Variants in CDH12 observed in about 807,000 individuals in gnomAD.
CDH12 encodes cadherin 12, also known as cadherin-12.
In CDH12, 41 loss-of-function variants were observed where a neutral mutation model predicts 74.1. The ratio of observed to expected loss-of-function variants is 0.55; its 90% CI spans 0.43 to 0.72. The LOEUF is 0.72. Among genes scored for constraint, CDH12 ranks in the 30% least tolerant of loss-of-function variants. The pLI is 0.00. For missense variants in CDH12, 945 were observed against 977.2 expected (o/e 0.97, Z 0.44); for synonymous variants, 399 against 355.0 (o/e 1.12, Z -1.39).
intron 1 of CDH12, among the ~76,000 whole-genome samples, chr5:22,651,475 T>G (rs1739733064): frequency 6.6e-6 from 1 of 152,008 alleles, no homozygotes; most frequent in Non-Finnish European, 1.5e-5. Flanking sequence ...GAAAGGATAA[T>G]GAATGCAGGA....
rs573241265 is a variant in CDH12 at position 22,812,946 on chromosome 5, G to A, written c.-523+40112C>T. Among the ~76,000 whole-genome samples the A allele has an allele frequency of 2.9e-4, 44 of 152,180 alleles. No homozygotes were observed. In the South Asian group the frequency reaches 8.7e-3, roughly 30 times the overall value. On this transcript the variant is annotated intron_variant, in intron 1 of 14. Coordinates refer to ENST00000382254, the MANE Select transcript of CDH12 (RefSeq NM_004061.5). ...CTGAGGAGGAGGTGAAGAAATGATCGCTGAGATCAAGGAGACTTGCAGAAG... is the reference window on the plus strand; with the variant it reads ...CTGAGGAGGAGGTGAAGAAATGATCACTGAGATCAAGGAGACTTGCAGAAG...
At chr5:22,325,324 T>C (rs1457661028) in intron 3 of CDH12, among the ~76,000 whole-genome samples, 2 of 152,132 alleles carry the variant, frequency 1.3e-5, no homozygotes, top group East Asian at 1.9e-4. Context: ...CCAGAAAATA[T>C]ATTAAAAAGC....
intron 5 of CDH12, among the ~76,000 whole-genome samples, chr5:21,988,498 A>G (rs1416796667): frequency 7.5e-6 from 1 of 134,038 alleles, no homozygotes; most frequent in Non-Finnish European, 1.5e-5. Flanking sequence ...TCTCAAAAAA[A>G]AAAAAAAAAA....
intron 1 of CDH12, among the ~76,000 whole-genome samples, chr5:22,547,432 C>T (rs1738382943): frequency 6.6e-6 from 1 of 152,112 alleles, no homozygotes; most frequent in African/African-American, 2.4e-5. Flanking sequence ...CCAATTTCTC[C>T]TCAATGAAAA....
chr5:22,233,574 A>G (rs1308462361), intron 3 of CDH12, among the ~76,000 whole-genome samples: 1 of 152,190 alleles, frequency 6.6e-6, no homozygotes, highest in East Asian at 1.9e-4. Context: ...ATATAAAAAT[A>G]AAACAATATT....
At chr5:22,156,898 T>C (rs1282376631) in intron 4 of CDH12, among the ~76,000 whole-genome samples, 1 of 152,202 alleles carries the variant, frequency 6.6e-6, no homozygotes, top group Non-Finnish European at 1.5e-5. Context: ...TTTTACCCAC[T>C]GTGACCCTAC....
intron 1 of CDH12, among the ~76,000 whole-genome samples, chr5:22,685,321 T>C: frequency 6.6e-6 from 1 of 152,148 alleles, no homozygotes; most frequent in East Asian, 1.9e-4. Context: ...CATTGCAGCC[T>C]CCACCTCCTG....
intron 1 of CDH12, among the ~76,000 whole-genome samples, chr5:22,699,428 T>C (rs947309475): frequency 6.6e-6 from 1 of 151,246 alleles, no homozygotes; most frequent in Non-Finnish European, 1.5e-5. Context: ...TGTATCGAAA[T>C]ATCAGAAAGG....
At chr5:22,244,800 GAA>G (rs761344442) in intron 3 of CDH12, among the ~76,000 whole-genome samples, 9,510 of 76,934 alleles carry the variant, frequency 0.12, 464 homozygotes, top group Admixed American at 0.21. Context: ...AAGAAAGAAA[GAA>G]AAATTCAAAG....
At chr5:21,865,971 A>G (rs539296547) in intron 6 of CDH12, among the ~76,000 whole-genome samples, 3 of 152,194 alleles carry the variant, frequency 2.0e-5, no homozygotes, top group East Asian at 1.9e-4. Flanking sequence ...AATCATGGGG[A>G]TGGTTTTCAC....
intron 3 of CDH12, among the ~76,000 whole-genome samples, chr5:22,249,976 T>C (rs908045833): frequency 1.3e-5 from 2 of 152,014 alleles, no homozygotes; most frequent in African/African-American, 4.8e-5. Flanking sequence ...TAGGAAAAAG[T>C]GTCACAAACA....
intron 5 of CDH12, among the ~76,000 whole-genome samples, chr5:22,038,831 G>A (rs1196835073): frequency 6.6e-6 from 1 of 152,140 alleles, no homozygotes; most frequent in Admixed American, 6.6e-5. Flanking sequence ...TCAAGTTGAT[G>A]TGGTACCCCA....
intron 4 of CDH12, among the ~76,000 whole-genome samples, chr5:22,188,600 AC>A (rs1311356067): frequency 2.0e-5 from 3 of 152,154 alleles, no homozygotes; most frequent in Non-Finnish European, 4.4e-5. Flanking sequence ...ACAAACTGTC[AC>A]CTACCTACAC....
chr5:22,757,712 A>T (rs1745999435), intron 1 of CDH12, among the ~76,000 whole-genome samples: 1 of 152,196 alleles, frequency 6.6e-6, no homozygotes, highest in South Asian at 2.1e-4. Context: ...TTTTCTGATA[A>T]TCCTTAGTGA....
intron 5 of CDH12, among the ~76,000 whole-genome samples, chr5:22,068,958 C>T (rs1741749698): frequency 6.6e-6 from 1 of 152,146 alleles, no homozygotes. Context: ...CAATATGGCA[C>T]CATTCCCCAA....
intron 4 of CDH12, among the ~76,000 whole-genome samples, chr5:22,096,442 A>C (rs1038308168): frequency 6.6e-6 from 1 of 151,932 alleles, no homozygotes; most frequent in African/African-American, 2.4e-5. Context: ...AGTGTTGCTG[A>C]GTCTTTCTAA....
intron 2 of CDH12, among the ~76,000 whole-genome samples, chr5:22,454,302 C>T (rs1273122694): frequency 6.6e-6 from 1 of 152,056 alleles, no homozygotes; most frequent in Admixed American, 6.6e-5. Context: ...TTAAATTTTA[C>T]TGAATGTAAG....
chr5:22,017,044 A>G (rs535917185), intron 5 of CDH12, among the ~76,000 whole-genome samples: 1 of 152,212 alleles, frequency 6.6e-6, no homozygotes, highest in East Asian at 1.9e-4. Context: ...TACAAACTCA[A>G]GCTAACTGGA....
intron 6 of CDH12, among the ~76,000 whole-genome samples, chr5:21,933,262 G>T (rs1307471602): frequency 1.3e-5 from 2 of 151,918 alleles, no homozygotes; most frequent in African/African-American, 4.8e-5. Context: ...TTGAACATCA[G>T]TTATCTCTTT....
Sources: allele counts gnomAD v4.1 joint callset (sites outside exome capture counted in the v4.1 genomes callset), GRCh38; gene constraint gnomAD v4.1.1; transcripts MANE v1.5; gene names NCBI Gene and HGNC (gene_info 2026-07-23, HGNC 2026-07-21).